The following ALX4 variants were observed in gnomAD, a reference collection of about 807,000 sequenced individuals.
ALX4 encodes ALX homeobox 4.
ALX4 carries 22 observed loss-of-function variants against 40.6 expected under a neutral mutation model. The observed-to-expected ratio is 0.54, with a 90% CI of 0.39 to 0.77. The LOEUF (loss-of-function observed/expected upper bound fraction) is 0.77. ALX4 is among the 30% of genes least tolerant of loss of function. ALX4 has a pLI of 0.00. For synonymous variants in ALX4, 266 were observed against 240.5 expected, an observed-to-expected ratio of 1.11 and a Z score of -0.98; for missense variants, 556 against 564.8, an observed-to-expected ratio of 0.98 and a Z score of 0.16.
At chr11:44,298,333 C>T (rs1956415573) in intron 1 of ALX4, among the ~76,000 whole-genome samples, 1 of 152,134 alleles carries the variant, frequency 6.6e-6, no homozygotes, top group Admixed American at 6.5e-5. Flanking sequence ...GGGAAGAGCC[C>T]AGGCCTTGGA....
In ALX4 at chr11:44,309,625, G is replaced by C; in HGVS notation, c.438C>G (p.His146Gln). ...AGCAGGGAACCTGCAAGGCCGCGCT[G>C]TGGCCGCTGCTGCCTTCCTGGAGTT... ...SLKLQEGSSGHSAALQVPCYA... is the reference protein window; with the variant it reads ...SLKLQEGSSGQSAALQVPCYA... Residue 146 changes from histidine to glutamine, a missense_variant, in exon 1 of 4, where the codon CAC becomes CAG. Transcript: ENST00000652299. 6.3e-7 allele frequency: 1 copy of C among 1,589,870 alleles called. No individual in the cohort carries two copies. Among genetic ancestry groups the C allele is most frequent in the Non-Finnish European group, 8.5e-7 (1 of 1,175,612 alleles).
At chr11:44,294,709 C>T (rs1956392782) in intron 1 of ALX4, among the ~76,000 whole-genome samples, 1 of 152,188 alleles carries the variant, frequency 6.6e-6, no homozygotes, top group Non-Finnish European at 1.5e-5. Flanking sequence ...ACTTTAACTG[C>T]CTGTCAAGGT....
intron 1 of ALX4, among the ~76,000 whole-genome samples, chr11:44,288,986 C>T (rs895596132): frequency 1.3e-5 from 2 of 152,176 alleles, no homozygotes; most frequent in Admixed American, 6.5e-5. Context: ...TTCTCTCCCC[C>T]ACCCTGTGTC....
At chr11:44,305,489 A>C (rs900975842) in intron 1 of ALX4, among the ~76,000 whole-genome samples, 2 of 152,210 alleles carry the variant, frequency 1.3e-5, no homozygotes, top group Admixed American at 1.3e-4. Flanking sequence ...ATCACCCCAC[A>C]GTCACCCACA....
chr11:44,295,395 G>A (rs1331853623), intron 1 of ALX4, among the ~76,000 whole-genome samples: 1 of 152,222 alleles, frequency 6.6e-6, no homozygotes, highest in Non-Finnish European at 1.5e-5. Context: ...CAGTTTCCAT[G>A]ATTTTCCAAG....
intron 1 of ALX4, among the ~76,000 whole-genome samples, chr11:44,276,904 C>T (rs58371180): frequency 0.054 from 8,220 of 152,192 alleles, 320 homozygotes; most frequent in African/African-American, 0.096. Flanking sequence ...GCTCACCTGC[C>T]GCTCACCTCC....
chr11:44,289,904 C>G (rs539203498), intron 1 of ALX4, among the ~76,000 whole-genome samples: 32 of 152,212 alleles, frequency 2.1e-4, no homozygotes, highest in Admixed American at 3.9e-4. Flanking sequence ...GCAGGACCCA[C>G]TGCCAGAGAA....
chr11:44,278,010 G>T (rs35778837), intron 1 of ALX4, among the ~76,000 whole-genome samples: 3 of 134,898 alleles, frequency 2.2e-5, no homozygotes, highest in Non-Finnish European at 4.8e-5. Context: ...TTATGTTTTA[G>T]GTTTTTTTTT....
At chr11:44,297,329 C>CTGAA (rs1956408516) in intron 1 of ALX4, among the ~76,000 whole-genome samples, 1 of 152,212 alleles carries the variant, frequency 6.6e-6, no homozygotes, top group Non-Finnish European at 1.5e-5. Flanking sequence ...AAAGGCCATA[C>CTGAA]TGAACCATGC....
intron 1 of ALX4, among the ~76,000 whole-genome samples, chr11:44,289,165 G>A (rs887532092): frequency 3.3e-5 from 5 of 152,158 alleles, no homozygotes; most frequent in African/African-American, 9.7e-5. Flanking sequence ...TGAAAAGGTC[G>A]GAGAAGGCCT....
At chr11:44,270,378 C>A (rs2135309485) in intron 2 of ALX4, among the ~76,000 whole-genome samples, 1 of 151,856 alleles carries the variant, frequency 6.6e-6, no homozygotes, top group South Asian at 2.1e-4. Context: ...GCAGGGCTGC[C>A]CACCTCCTCC....
At chr11:44,309,415 CAAG>C (rs949194689) in intron 1 of ALX4, among the ~76,000 whole-genome samples, 179 bp downstream of exon 1, 41 of 152,322 alleles carry the variant, frequency 2.7e-4, no homozygotes, top group Middle Eastern at 3.4e-3. Flanking sequence ...GGCCGGCGGA[CAAG>C]AAGGAGACAG....
intron 1 of ALX4, among the ~76,000 whole-genome samples, chr11:44,301,067 G>A (rs760480846): frequency 2.6e-5 from 4 of 152,238 alleles, no homozygotes; most frequent in Admixed American, 6.5e-5. Flanking sequence ...GGACCTGAAG[G>A]CAGGGGCTGC....
Position 44,304,306 on chromosome 11 carries a change from A to G in ALX4, c.466+5291T>C, listed in dbSNP as rs1249780407. ...TGCAGGACGGCGCTCTTACCGCCCCACCCCAAACCGTTGCCTGGGCCTAGG... is the reference window on the plus strand; with the variant it reads ...TGCAGGACGGCGCTCTTACCGCCCCGCCCCAAACCGTTGCCTGGGCCTAGG... On this transcript the variant is annotated intron_variant, in intron 1 of 3. Coordinates refer to ENST00000652299, the MANE Select transcript of ALX4 (RefSeq NM_021926.4). Among the ~76,000 whole-genome samples, 4 of 152,260 alleles carry G rather than the reference A, an allele frequency of 2.6e-5. No individual in the cohort carries two copies. The East Asian group carries it at 5.8e-4, about 22-fold the overall frequency.
chr11:44,267,714 C>T (rs1367324299), intron 2 of ALX4, 92 bp from the exon 3 acceptor site: 24 of 1,576,976 alleles, frequency 1.5e-5, no homozygotes, highest in Non-Finnish European at 2.1e-5. Flanking sequence ...CTTGAGCCCC[C>T]CATCAGTTGC....
chr11:44,281,196 T>C (rs927304117), intron 1 of ALX4, among the ~76,000 whole-genome samples: 1 of 152,110 alleles, frequency 6.6e-6, no homozygotes, highest in African/African-American at 2.4e-5. Context: ...AGCATCTGTA[T>C]GTACAGATGT....
chr11:44,305,446 C>T (rs1565011598), intron 1 of ALX4, among the ~76,000 whole-genome samples: 1 of 152,234 alleles, frequency 6.6e-6, no homozygotes, highest in Non-Finnish European at 1.5e-5. Context: ...CCTTCCTGAG[C>T]AGGCTTCAGT....
intron 2 of ALX4, among the ~76,000 whole-genome samples, chr11:44,272,074 G>T (rs2135311122): frequency 6.6e-6 from 1 of 152,186 alleles, no homozygotes; most frequent in East Asian, 1.9e-4. Context: ...TCCAAACTCA[G>T]GCATGTAAGG....
chr11:44,308,526 G>A (rs1427346157), intron 1 of ALX4, among the ~76,000 whole-genome samples: 6 of 152,210 alleles, frequency 3.9e-5, no homozygotes, highest in African/African-American at 9.7e-5. Flanking sequence ...CCCTTTCTGC[G>A]TCTTTGCTTC....
Sources: gnomAD v4.1 joint callset for allele counts (sites outside exome capture counted in the v4.1 genomes callset) on GRCh38, gnomAD v4.1.1 for gene constraint, MANE v1.5 for transcripts, NCBI Gene and HGNC (gene_info 2026-07-23, HGNC 2026-07-21) for gene names.